The following SEMA5B variants were observed in gnomAD, a reference collection of about 807,000 sequenced individuals.
SEMA5B encodes the protein semaphorin-5B.
In SEMA5B, 66 loss-of-function variants were observed where a neutral mutation model predicts 135.0. The ratio of observed to expected loss-of-function variants is 0.49; its 90% CI spans 0.40 to 0.60. SEMA5B has a LOEUF of 0.60. Ranked by LOEUF, SEMA5B falls within the 20% of genes least tolerant of loss-of-function variation. SEMA5B has a pLI of 0.00. For synonymous variants in SEMA5B, 690 were observed against 639.5 expected (o/e 1.08, Z -1.19); for missense variants, 1,501 against 1,566.3 (o/e 0.96, Z 0.70).
chr3:122,987,986 G>A (rs1941753386), intron 1 of SEMA5B, among the ~76,000 whole-genome samples: 1 of 152,110 alleles, frequency 6.6e-6, no homozygotes, highest in Non-Finnish European at 1.5e-5. Flanking sequence ...ATAGAAGGAA[G>A]TGCAGTTGGA....
intron 12 of SEMA5B, among the ~76,000 whole-genome samples, chr3:122,916,420 G>A (rs991962466): frequency 6.6e-6 from 1 of 152,062 alleles, no homozygotes; most frequent in African/African-American, 2.4e-5. Flanking sequence ...ACCAATACCC[G>A]AGCCCACCCC....
chr3:122,951,229 G>T (rs1051046727), intron 2 of SEMA5B, among the ~76,000 whole-genome samples: 7 of 152,162 alleles, frequency 4.6e-5, no homozygotes, highest in African/African-American at 1.7e-4. Flanking sequence ...TATTAGCATG[G>T]TAACTTTTGT....
At position 122,964,799 on chromosome 3, in the gene SEMA5B, G is replaced by A. The variant is rs138648798; in HGVS notation, c.-38-3498C>T. ...AAAAGAGAATAGTGAGGGTGAAGGAGACAGAGAAGAGAAGGCTGCTGCCAC... is the reference window on the plus strand; with the variant it reads ...AAAAGAGAATAGTGAGGGTGAAGGAAACAGAGAAGAGAAGGCTGCTGCCAC... On this transcript the variant is annotated intron_variant, in intron 1 of 22. Transcript: ENST00000357599. 1.4e-4 allele frequency among the ~76,000 whole-genome samples: 21 copies of A among 152,356 alleles called. No homozygotes were observed. The East Asian group carries it at 3.7e-3, about 27-fold the overall frequency.
intron 1 of SEMA5B, among the ~76,000 whole-genome samples, chr3:122,975,834 C>T (rs1012564427): frequency 6.6e-6 from 1 of 152,054 alleles, no homozygotes; most frequent in Admixed American, 6.5e-5. Context: ...AAAACCCCCA[C>T]CAGCTCCCCA....
intron 3 of SEMA5B, 133 bp from the exon 4 acceptor site, chr3:122,943,668 C>T: frequency 1.6e-6 from 1 of 629,962 alleles, no homozygotes; most frequent in Non-Finnish European, 2.8e-6. Flanking sequence ...CCTGGTGCCA[C>T]CTGCCCACCT....
chr3:122,969,881 T>G (rs1941038003), intron 1 of SEMA5B, among the ~76,000 whole-genome samples: 1 of 152,220 alleles, frequency 6.6e-6, no homozygotes, highest in Non-Finnish European at 1.5e-5. Context: ...TGAATGTGGG[T>G]GTGTGTTATG....
chr3:123,012,038 C>T (rs554856085), intron 1 of SEMA5B, among the ~76,000 whole-genome samples: 4 of 152,196 alleles, frequency 2.6e-5, no homozygotes, highest in Non-Finnish European at 5.9e-5. Context: ...GGCCCAGTCA[C>T]GTGGAAAGAG....
chr3:122,959,014 G>A (rs756767870), intron 2 of SEMA5B, among the ~76,000 whole-genome samples: 7 of 152,190 alleles, frequency 4.6e-5, no homozygotes, highest in Non-Finnish European at 8.8e-5. Context: ...AACAAGAAGG[G>A]CTCTGACACA....
At chr3:122,998,812 T>A (rs935534113) in intron 1 of SEMA5B, among the ~76,000 whole-genome samples, 7 of 152,246 alleles carry the variant, frequency 4.6e-5, no homozygotes, top group Non-Finnish European at 7.3e-5. Context: ...GTAGAGAGAT[T>A]TACTTCTGAG....
intron 10 of SEMA5B, among the ~76,000 whole-genome samples, chr3:122,923,043 G>T (rs1560299906): frequency 6.6e-6 from 1 of 152,206 alleles, no homozygotes; most frequent in Admixed American, 6.5e-5. Context: ...TGGTAGGACT[G>T]CAAAGCTTGA....
chr3:122,956,865 G>A (rs977505706), intron 2 of SEMA5B, among the ~76,000 whole-genome samples: 19 of 152,148 alleles, frequency 1.2e-4, no homozygotes, highest in Admixed American at 7.2e-4. Flanking sequence ...CTGGGAAAGC[G>A]GGTGACGGGC....
intron 2 of SEMA5B, 75 bp from the exon 3 acceptor site, chr3:122,948,784 C>T: frequency 8.5e-7 from 1 of 1,179,088 alleles, no homozygotes; most frequent in Non-Finnish European, 1.2e-6. Context: ...CTTGTGGTTA[C>T]AGTGCCCCCA....
chr3:122,915,690 G>A, intron 13 of SEMA5B, 69 bp from the exon 14 acceptor site: 1 of 1,602,652 alleles, frequency 6.2e-7, no homozygotes, highest in South Asian at 1.1e-5. Context: ...TAAGATCTCA[G>A]GGGATTGGGG....
intron 1 of SEMA5B, among the ~76,000 whole-genome samples, chr3:122,963,879 A>C (rs1434925732): frequency 6.6e-6 from 1 of 151,952 alleles, no homozygotes; most frequent in African/African-American, 2.4e-5. Context: ...CTTTCTCCCA[A>C]ATGTGTGGTT....
intron 5 of SEMA5B, among the ~76,000 whole-genome samples, chr3:122,939,126 AG>A (rs1352691724): frequency 6.6e-6 from 1 of 152,238 alleles, no homozygotes; most frequent in Non-Finnish European, 1.5e-5. Flanking sequence ...AGTCCCAAAC[AG>A]GGACAGTTGG....
chr3:122,968,189 G>A (rs1940954901), intron 1 of SEMA5B, among the ~76,000 whole-genome samples: 1 of 152,248 alleles, frequency 6.6e-6, no homozygotes, highest in African/African-American at 2.4e-5. Context: ...GACTCACAGA[G>A]TATTAGTGTA....
At chr3:122,932,901 G>A (rs1939054207) in intron 5 of SEMA5B, among the ~76,000 whole-genome samples, 1 of 152,068 alleles carries the variant, frequency 6.6e-6, no homozygotes, top group Non-Finnish European at 1.5e-5. Context: ...AAAATTATCT[G>A]TACACACAGG....
intron 1 of SEMA5B, among the ~76,000 whole-genome samples, chr3:122,989,176 A>G (rs1941792957): frequency 6.6e-6 from 1 of 152,200 alleles, no homozygotes; most frequent in African/African-American, 2.4e-5. Context: ...CTGGTCTTGG[A>G]ATCCCTAAAC....
rs1179606807 is a variant in SEMA5B at position 123,023,436 on chromosome 3, TTAAGTA to T, written c.-39+4022_-39+4027del. Among the ~76,000 whole-genome samples, 7 of 151,918 alleles carry T rather than the reference TTAAGTA, an allele frequency of 4.6e-5. No individual in the cohort carries two copies. The South Asian group carries it at 6.2e-4, about 14-fold the overall frequency. On this transcript the variant is annotated intron_variant, in intron 1 of 22. Coordinates refer to ENST00000357599, the MANE Select transcript of SEMA5B (RefSeq NM_001031702.4). ...CCAGAACCCACTGGGGTTTAGATCTTTAAGTATAAGTAACACTCCCTCCAAGCACTT... is the reference window on the plus strand; with the variant it reads ...CCAGAACCCACTGGGGTTTAGATCTTTAAGTAACACTCCCTCCAAGCACTT...
Sources: allele counts gnomAD v4.1 joint callset (sites outside exome capture counted in the v4.1 genomes callset), GRCh38; gene constraint gnomAD v4.1.1; transcripts MANE v1.5; gene names NCBI Gene and HGNC (gene_info 2026-07-23, HGNC 2026-07-21).